Variants in LUC7L2 observed in about 807,000 individuals in gnomAD.
LUC7L2 encodes LUC7 like 2, pre-mRNA splicing factor.
In LUC7L2, 25 loss-of-function variants were observed where a neutral mutation model predicts 52.8. The ratio of observed to expected loss-of-function variants is 0.47; its 90% confidence interval spans 0.34 to 0.66. The LOEUF is 0.66. LUC7L2 is among the 30% of genes least tolerant of loss of function. LUC7L2 has a pLI of 0.01. For synonymous variants in LUC7L2, 144 were observed against 160.9 expected, an observed-to-expected ratio of 0.89 and a Z score of 0.80; for missense variants, 328 against 497.8, an observed-to-expected ratio of 0.66 and a Z score of 3.25.
intron 2 of LUC7L2, among the ~76,000 whole-genome samples, chr7:139,387,683 T>C (rs1265937916): frequency 1.3e-5 from 2 of 152,214 alleles, no homozygotes; most frequent in East Asian, 3.8e-4. Context: ...TTTATACCTG[T>C]ACTGAAAAAT....
chr7:139,387,524 G>A (rs986617470), intron 2 of LUC7L2, among the ~76,000 whole-genome samples: 8 of 152,016 alleles, frequency 5.3e-5, no homozygotes, highest in African/African-American at 1.9e-4. Flanking sequence ...GAGAGCTCTT[G>A]TTTCCTGATG....
rs750568035 is a variant in LUC7L2, at chr7:139,378,499, A to T, written c.156+2343A>T. 1.2e-3 allele frequency among the ~76,000 whole-genome samples: 182 copies of T among 152,136 alleles called. 2 individuals are homozygous for T. Among genetic ancestry groups the T allele is most frequent in the Non-Finnish European group, 2.9e-4 (20 of 68,030 alleles). ...TAAGACAGGAGGAATGCTTGAGCTC[A>T]GGAATTCAAGACTTCAAGTGAGCTG... is the stretch of plus-strand genomic sequence containing the variant. On this transcript the variant is annotated intron_variant, in intron 2 of 9. Coordinates refer to ENST00000354926, the MANE Select transcript of LUC7L2 (RefSeq NM_016019.5).
intron 1 of LUC7L2, among the ~76,000 whole-genome samples, chr7:139,369,429 C>A (rs996929076): frequency 6.6e-6 from 1 of 152,076 alleles, no homozygotes; most frequent in Non-Finnish European, 1.5e-5. Flanking sequence ...GCACATACCC[C>A]CCAAAACATG....
intron 1 of LUC7L2, among the ~76,000 whole-genome samples, chr7:139,341,716 C>CG (rs372855450): frequency 0.016 from 2,368 of 150,290 alleles, 20 homozygotes; most frequent in Non-Finnish European, 0.024. Flanking sequence ...AAAGGACCAG[C>CG]GGGGGGGGGC....
At chr7:139,346,095 G>C (rs947088280) in intron 1 of LUC7L2, 1 of 157,704 alleles carries the variant, frequency 6.3e-6, no homozygotes, top group Non-Finnish European at 1.4e-5. Flanking sequence ...AAATTAGCCA[G>C]GCGTGGTGGC....
chr7:139,381,264 C>A lies in LUC7L2; in HGVS notation c.156+5108C>A, dbSNP rs570576317. On this transcript the variant is annotated intron_variant, in intron 2 of 9. Transcript: ENST00000354926. ...TTCAGTTATCCAGGGCAGTGACTTTCACATGTTTCTGAAACATCCTTGGAG... is the reference window on the plus strand; with the variant it reads ...TTCAGTTATCCAGGGCAGTGACTTTAACATGTTTCTGAAACATCCTTGGAG... Among the ~76,000 whole-genome samples the A allele has an allele frequency of 5.3e-5, 8 of 152,202 alleles. No homozygotes were observed. In the East Asian group the frequency reaches 1.5e-3, roughly 29 times the overall value.
At chr7:139,414,008 A>G (rs558633939) in intron 8 of LUC7L2, among the ~76,000 whole-genome samples, 1 of 152,326 alleles carries the variant, frequency 6.6e-6, no homozygotes, top group South Asian at 2.1e-4. Context: ...TTGAAAACAT[A>G]AAGTATTGCA....
At position 139,412,596 on chromosome 7, in the gene LUC7L2, A is replaced by G; in HGVS notation, c.809+16A>G. On this transcript the variant is annotated intron_variant, in intron 8 of 9. Coordinates refer to ENST00000354926, the MANE Select transcript of LUC7L2 (RefSeq NM_016019.5). ...ATCCAAAAAGGTAGGTGTATTACATAAGACAGGTATAAGTAGTGAAGTTGT... is the reference window on the plus strand; with the variant it reads ...ATCCAAAAAGGTAGGTGTATTACATGAGACAGGTATAAGTAGTGAAGTTGT... 6.2e-7 allele frequency: 1 copy of G among 1,602,276 alleles called. No individual in the cohort carries two copies. Among genetic ancestry groups the G allele is most frequent in the Non-Finnish European group, 8.5e-7 (1 of 1,176,108 alleles).
intron 1 of LUC7L2, among the ~76,000 whole-genome samples, chr7:139,361,713 A>C (rs970912792): frequency 6.6e-6 from 1 of 152,252 alleles, no homozygotes; most frequent in Non-Finnish European, 1.5e-5. Context: ...TCTCACGTTT[A>C]GATAAGAATG....
At chr7:139,368,421 G>C (rs539463449) in intron 1 of LUC7L2, among the ~76,000 whole-genome samples, 2 of 152,144 alleles carry the variant, frequency 1.3e-5, no homozygotes, top group East Asian at 3.8e-4. Flanking sequence ...ATGTTATTTC[G>C]TATATTTCTG....
intron 1 of LUC7L2, among the ~76,000 whole-genome samples, chr7:139,362,708 T>G (rs968529883): frequency 6.8e-6 from 1 of 147,888 alleles, no homozygotes; most frequent in Non-Finnish European, 1.5e-5. Context: ...AGTGACCCCC[T>G]CCACTCTTAG....
chr7:139,366,823 C>T (rs1346440094), intron 1 of LUC7L2, among the ~76,000 whole-genome samples: 1 of 152,176 alleles, frequency 6.6e-6, no homozygotes, highest in African/African-American at 2.4e-5. Context: ...CTTGGACCCA[C>T]CTACTGAGTC....
At chr7:139,350,681 CT>C (rs1176166251) in intron 1 of LUC7L2, among the ~76,000 whole-genome samples, 228 of 126,138 alleles carry the variant, frequency 1.8e-3, no homozygotes, top group Admixed American at 2.8e-3. Context: ...CCACATTCTT[CT>C]TTTTTTTTTT....
intron 2 of LUC7L2, among the ~76,000 whole-genome samples, chr7:139,377,669 G>A (rs1265797596): frequency 6.6e-6 from 1 of 151,722 alleles, no homozygotes; most frequent in Admixed American, 6.6e-5. Flanking sequence ...TGGGATTACA[G>A]GCATGAGCCA....
intron 2 of LUC7L2, among the ~76,000 whole-genome samples, chr7:139,389,527 T>C (rs1192264380): frequency 6.6e-6 from 1 of 152,186 alleles, no homozygotes; most frequent in Admixed American, 6.6e-5. Context: ...TTGTCTTCTG[T>C]GTAAATTATC....
At chr7:139,362,202 T>C (rs557670546) in intron 1 of LUC7L2, among the ~76,000 whole-genome samples, 2 of 152,296 alleles carry the variant, frequency 1.3e-5, no homozygotes, top group East Asian at 3.9e-4. Flanking sequence ...GGATTTTCAC[T>C]GCTGTATTGG....
chr7:139,374,790 AAAT>A, intron 1 of LUC7L2: 1 of 1,126,338 alleles, frequency 8.9e-7, no homozygotes, highest in Admixed American at 4.5e-5. Context: ...CCCCATCTAA[AAAT>A]GATAGTGTTT....
intron 9 of LUC7L2, among the ~76,000 whole-genome samples, chr7:139,421,422 CCGAT>C (rs1377667849): frequency 2.6e-5 from 4 of 152,056 alleles, no homozygotes; most frequent in African/African-American, 9.7e-5. Flanking sequence ...GTTTGGTTTT[CCGAT>C]TGATTTATTA....
intron 2 of LUC7L2, among the ~76,000 whole-genome samples, chr7:139,382,036 A>C (rs1218251903): frequency 2.0e-5 from 3 of 151,378 alleles, no homozygotes; most frequent in East Asian, 3.9e-4. Flanking sequence ...AAGGTGCGCC[A>C]CCAGGCCTGG....
Sources: allele counts gnomAD v4.1 joint callset (sites outside exome capture counted in the v4.1 genomes callset), GRCh38; gene constraint gnomAD v4.1.1; transcripts MANE v1.5; gene names NCBI Gene and HGNC (gene_info 2026-07-23, HGNC 2026-07-21).